Variants in ALKBH8 observed in about 807,000 individuals in gnomAD.
ALKBH8 encodes the protein alkB homolog 8, tRNA methyltransferase, also known as tRNA (carboxymethyluridine(34)-5-O)-methyltransferase ALKBH8.
Under a neutral mutation model 59.8 loss-of-function variants are expected in ALKBH8, and 36 were observed. The observed-to-expected ratio is 0.60, with a 90% confidence interval of 0.46 to 0.79. The LOEUF (loss-of-function observed/expected upper bound fraction) is 0.79. Ranked by LOEUF, ALKBH8 falls within the 30% of genes least tolerant of loss-of-function variation. The probability of loss-of-function intolerance (pLI) is 0.00; values close to 1 mark genes in which losing one functional copy is unlikely to be tolerated. For missense variants in ALKBH8, 768 were observed against 801.0 expected (o/e 0.96, Z 0.50); for synonymous variants, 276 against 273.6 (o/e 1.01, Z -0.09).
At chr11:107,529,084 A>G (rs937488325) in intron 8 of ALKBH8, among the ~76,000 whole-genome samples, 3 of 152,238 alleles carry the variant, frequency 2.0e-5, no homozygotes, top group African/African-American at 7.2e-5. Context: ...CATTGGTAAG[A>G]GCACAGATTC....
intron 8 of ALKBH8, among the ~76,000 whole-genome samples, chr11:107,529,384 C>T (rs1565327125): frequency 1.3e-5 from 2 of 152,128 alleles, no homozygotes; most frequent in Non-Finnish European, 2.9e-5. Context: ...ATAAATGAAA[C>T]AGGTGAACTT....
intron 8 of ALKBH8, among the ~76,000 whole-genome samples, chr11:107,530,826 T>TGA (rs1863565052): frequency 6.6e-6 from 1 of 152,198 alleles, no homozygotes; most frequent in African/African-American, 2.4e-5. Context: ...ATAACATGCT[T>TGA]TCAGTAAGAC....
intron 1 of ALKBH8, among the ~76,000 whole-genome samples, chr11:107,562,150 T>C (rs1591334888): frequency 6.6e-6 from 1 of 152,080 alleles, no homozygotes; most frequent in Middle Eastern, 3.4e-3. Context: ...GTACAAAAAA[T>C]TAGCCACGTG....
rs910705261 is a variant in ALKBH8, at chr11:107,557,455, A to G, written c.130-452T>C. The stretch of plus-strand genomic sequence containing the variant: ...AATTTATTTGGGTAATATCAGCCCA[A>G]TTTCATAGAAGAAGATCTGACAAAT... On this transcript the variant is annotated intron_variant, in intron 2 of 11. Coordinates refer to ENST00000428149, the MANE Select transcript of ALKBH8 (RefSeq NM_138775.3). Among the ~76,000 whole-genome samples the G allele has an allele frequency of 5.9e-5, 9 of 152,276 alleles. No individual in the cohort carries two copies. In the South Asian group the frequency reaches 1.0e-3, roughly 18 times the overall value.
chr11:107,518,723 C>T (rs1862977119), intron 10 of ALKBH8, among the ~76,000 whole-genome samples: 2 of 152,356 alleles, frequency 1.3e-5, no homozygotes, highest in Admixed American at 1.3e-4. Flanking sequence ...TTAGTTAATC[C>T]CATTTCCTAT....
At chr11:107,557,078 A>G (rs1213897496) in intron 2 of ALKBH8, 75 bp from the exon 3 acceptor site, 1 of 1,099,492 alleles carries the variant, frequency 9.1e-7, no homozygotes, top group Admixed American at 2.9e-5. Flanking sequence ...TTAAAATAAG[A>G]TTTTTTTTAA....
chr11:107,526,961 T>C (rs1863382297), intron 8 of ALKBH8, among the ~76,000 whole-genome samples: 1 of 152,004 alleles, frequency 6.6e-6, no homozygotes, highest in African/African-American at 2.4e-5. Context: ...CTATTTTGAT[T>C]ATATAGCCAT....
At position 107,522,515 on chromosome 11, in the gene ALKBH8, G is replaced by T. The variant is rs907695606; in HGVS notation, c.1071C>A (p.Pro357=). The T allele has an allele frequency of 1.3e-6, 2 of 1,551,454 alleles. No individual in the cohort carries two copies. The highest frequency in any genetic ancestry group is 1.7e-6 in the Non-Finnish European group (2 of 1,146,938). ...LVCDSQRKET[P]PSFPESDKEA... is the part of the protein sequence containing the mutation. ...CTTTATCACTCTCTGGAAATGAGGG[G>T]GGAGTCTCTTTCCTCTGGCTATCAC... The change falls in exon 10 of 12, where the codon CCC becomes CCA. Residue 357 remains proline, a synonymous_variant. Transcript: ENST00000428149.
intron 8 of ALKBH8, among the ~76,000 whole-genome samples, chr11:107,528,907 G>C (rs773664288): frequency 6.6e-6 from 1 of 152,106 alleles, no homozygotes; most frequent in Non-Finnish European, 1.5e-5. Context: ...GACTTTAAAA[G>C]TTAAGATAAG....
At chr11:107,556,668 C>T in intron 3 of ALKBH8, 98 bp downstream of exon 3, 2 of 829,480 alleles carry the variant, frequency 2.4e-6, no homozygotes, top group Non-Finnish European at 3.4e-6. Context: ...AACCTGCTTC[C>T]TCATTTTGTT....
intron 5 of ALKBH8, among the ~76,000 whole-genome samples, chr11:107,552,622 T>G (rs886365987): frequency 6.6e-6 from 1 of 152,170 alleles, no homozygotes; most frequent in Non-Finnish European, 1.5e-5. Context: ...TAGGTACACA[T>G]TTGGTGAGAA....
intron 10 of ALKBH8, among the ~76,000 whole-genome samples, chr11:107,519,188 C>T (rs1863001050): frequency 6.6e-6 from 1 of 152,106 alleles, no homozygotes; most frequent in Admixed American, 6.6e-5. Flanking sequence ...TCACTGCAAC[C>T]TCCGCCTCCC....
intron 5 of ALKBH8, 27 bp downstream of exon 5, chr11:107,553,081 A>G: frequency 7.1e-7 from 1 of 1,403,274 alleles, no homozygotes; most frequent in Non-Finnish European, 9.8e-7. Context: ...TTGAGCCAGA[A>G]TTTATTATGT....
intron 9 of ALKBH8, among the ~76,000 whole-genome samples, chr11:107,523,192 C>T (rs1863198980): frequency 6.6e-6 from 1 of 152,100 alleles, no homozygotes; most frequent in Non-Finnish European, 1.5e-5. Flanking sequence ...TTCACAACAG[C>T]CAAGACATGG....
At chr11:107,542,577 A>G (rs2135549723) in intron 7 of ALKBH8, among the ~76,000 whole-genome samples, 1 of 152,294 alleles carries the variant, frequency 6.6e-6, no homozygotes, top group East Asian at 1.9e-4. Context: ...AGCGGTACTT[A>G]AAAGCAAAAT....
intron 11 of ALKBH8, among the ~76,000 whole-genome samples, chr11:107,505,835 G>A (rs1862360463): frequency 6.6e-6 from 1 of 152,204 alleles, no homozygotes; most frequent in African/African-American, 2.4e-5. Context: ...CAGAATATGA[G>A]CAGAATGCAG....
At chr11:107,544,206 G>A (rs868663573) in intron 7 of ALKBH8, among the ~76,000 whole-genome samples, 1 of 152,216 alleles carries the variant, frequency 6.6e-6, no homozygotes, top group East Asian at 1.9e-4. Context: ...TAACTGAAAA[G>A]ATGGAAGAAT....
chr11:107,559,350 T>C (rs59647547), intron 2 of ALKBH8, among the ~76,000 whole-genome samples: 6,822 of 152,296 alleles, frequency 0.045, 359 homozygotes, highest in East Asian at 0.26. Context: ...CCATCTACAA[T>C]TTTATTCTTT....
At chr11:107,518,773 T>G (rs1862979606) in intron 10 of ALKBH8, among the ~76,000 whole-genome samples, 2 of 148,758 alleles carry the variant, frequency 1.3e-5, no homozygotes, top group African/African-American at 2.5e-5. Flanking sequence ...ATAGAAACAA[T>G]GCTAATGACT....
Sources: gnomAD v4.1 joint callset for allele counts (sites outside exome capture counted in the v4.1 genomes callset) on GRCh38, gnomAD v4.1.1 for gene constraint, MANE v1.5 for transcripts, NCBI Gene and HGNC (gene_info 2026-07-23, HGNC 2026-07-21) for gene names.